The following BBS4 variants were observed in gnomAD, a reference collection of about 807,000 sequenced individuals.
BBS4 encodes the protein BBSome complex member BBS4.
BBS4 carries 58 observed loss-of-function variants against 71.4 expected under a neutral mutation model. That is an observed-to-expected ratio of 0.81 (90% CI 0.66 to 1.01). The LOEUF is 1.01. Ranked by LOEUF, BBS4 falls within the 50% of genes least tolerant of loss-of-function variation. The probability of loss-of-function intolerance (pLI) is 0.00; values close to 1 mark genes in which losing one functional copy is unlikely to be tolerated. For synonymous variants in BBS4, 228 were observed against 216.8 expected, an observed-to-expected ratio of 1.05 and a Z score of -0.46; for missense variants, 660 against 607.9, an observed-to-expected ratio of 1.09 and a Z score of -0.90.
chr15:72,731,007 A>C (rs2065805740), intron 10 of BBS4, among the ~76,000 whole-genome samples: 1 of 151,796 alleles, frequency 6.6e-6, no homozygotes, highest in African/African-American at 2.4e-5. Context: ...TCATTCTGAA[A>C]TACTGACTTT....
intron 1 of BBS4, among the ~76,000 whole-genome samples, chr15:72,688,749 C>T (rs1049747798): frequency 6.6e-6 from 1 of 152,178 alleles, no homozygotes; most frequent in Non-Finnish European, 1.5e-5. Context: ...TACTCCTAGA[C>T]CTGTGTCCCA....
intron 2 of BBS4, among the ~76,000 whole-genome samples, chr15:72,699,436 G>A (rs1243668999): frequency 1.3e-5 from 2 of 152,220 alleles, no homozygotes; most frequent in East Asian, 3.9e-4. Flanking sequence ...TAAATGGAAG[G>A]TAGTATATAT....
chr15:72,706,873 G>A (rs975443397), intron 2 of BBS4, among the ~76,000 whole-genome samples: 23 of 151,582 alleles, frequency 1.5e-4, no homozygotes. Context: ...TGAAATGAGG[G>A]TCCTGCTGTA....
At chr15:72,709,633 T>C in intron 2 of BBS4, 67 bp from the exon 3 acceptor site, 1 of 1,136,422 alleles carries the variant, frequency 8.8e-7, no homozygotes, top group South Asian at 1.2e-5. Flanking sequence ...AGTTTAGACA[T>C]GAGGACAGTG....
At chr15:72,729,255 T>G (rs1227478030) in intron 9 of BBS4, among the ~76,000 whole-genome samples, 5 of 149,380 alleles carry the variant, frequency 3.3e-5, no homozygotes, top group African/African-American at 1.2e-4. Flanking sequence ...CTGTTTTTTT[T>G]TTTTTTTTTT....
At chr15:72,714,965 TG>T (rs1169473742) in intron 4 of BBS4, among the ~76,000 whole-genome samples, 1 of 152,264 alleles carries the variant, frequency 6.6e-6, no homozygotes, top group Non-Finnish European at 1.5e-5. Context: ...AAGCATCTGA[TG>T]GGGAAGCCCC....
chr15:72,723,037 TAAG>T (rs2065605321), intron 7 of BBS4, among the ~76,000 whole-genome samples, 190 bp downstream of exon 7: 1 of 152,154 alleles, frequency 6.6e-6, no homozygotes, highest in Admixed American at 6.5e-5. Context: ...CTGCTTGTAA[TAAG>T]AACATGGAAA....
At chr15:72,709,559 A>G (rs951484487) in intron 2 of BBS4, 141 bp from the exon 3 acceptor site, 37 of 691,408 alleles carry the variant, frequency 5.4e-5, no homozygotes, top group South Asian at 4.3e-4. Context: ...TTGATGCACT[A>G]TAATATATTA....
At chr15:72,731,210 C>T in intron 10 of BBS4, 95 bp from the exon 11 acceptor site, 6 of 1,490,718 alleles carry the variant, frequency 4.0e-6, no homozygotes, top group Non-Finnish European at 5.6e-6. Context: ...CCCATCTATG[C>T]TGATGGGCCT....
chr15:72,703,579 G>A (rs937285131), intron 2 of BBS4, among the ~76,000 whole-genome samples: 1 of 152,026 alleles, frequency 6.6e-6, no homozygotes, highest in Admixed American at 6.6e-5. Flanking sequence ...TTGGATTTTC[G>A]GGTGAAAATT....
At chr15:72,729,511 A>C in intron 9 of BBS4, 105 bp from the exon 10 acceptor site, 5 of 1,049,146 alleles carry the variant, frequency 4.8e-6, no homozygotes, top group Non-Finnish European at 7.5e-6. Flanking sequence ...TAGCCTCCCA[A>C]AGTGCTGGGA....
rs372562631 is a variant in BBS4 at position 72,695,962 on chromosome 15, G to A, written c.76+734G>A. On this transcript the variant is annotated intron_variant, in intron 2 of 15. Coordinates refer to ENST00000268057, the MANE Select transcript of BBS4 (RefSeq NM_033028.5). Reference sequence around the variant, plus strand: ...AATAATGTGTATTCTGCTCTTGTAGGATGTAGCATTCTGTAAATGTCAATT... The same window carrying A: ...AATAATGTGTATTCTGCTCTTGTAGAATGTAGCATTCTGTAAATGTCAATT... Among the ~76,000 whole-genome samples, 7 of 152,278 alleles carry A rather than the reference G, an allele frequency of 4.6e-5. No individual in the cohort carries two copies. The South Asian group carries it at 1.5e-3, about 32-fold the overall frequency.
chr15:72,691,047 CAAGA>C (rs962522345), intron 1 of BBS4, among the ~76,000 whole-genome samples: 31 of 152,126 alleles, frequency 2.0e-4, no homozygotes, highest in Admixed American at 3.3e-4. Context: ...ATTTTTAAAT[CAAGA>C]TCATTAACCA....
chr15:72,735,417 A>G (rs1305639531), intron 13 of BBS4: 12 of 559,124 alleles, frequency 2.1e-5, no homozygotes, highest in South Asian at 3.9e-5. Context: ...GAGGCTAGAG[A>G]ATGTCAGAAC....
intron 1 of BBS4, among the ~76,000 whole-genome samples, chr15:72,691,054 A>T (rs1039644935): frequency 1.3e-5 from 2 of 152,172 alleles, no homozygotes; most frequent in Non-Finnish European, 1.5e-5. Flanking sequence ...AATCAAGATC[A>T]TTAACCAAAT....
intron 2 of BBS4, among the ~76,000 whole-genome samples, chr15:72,706,058 A>T (rs1180230018): frequency 1.3e-5 from 2 of 152,116 alleles, no homozygotes; most frequent in Non-Finnish European, 1.5e-5. Flanking sequence ...CCTTTAGTAG[A>T]TAGGTGACAG....
At chr15:72,701,246 G>T (rs554752309) in intron 2 of BBS4, among the ~76,000 whole-genome samples, 104 of 152,144 alleles carry the variant, frequency 6.8e-4, no homozygotes, top group African/African-American at 2.3e-3. Context: ...ATCTAACTTC[G>T]TTGCTCAGAA....
Position 72,731,682 on chromosome 15 carries a change from T to A in BBS4, c.992T>A (p.Ile331Asn). The A allele has an allele frequency of 1.9e-6, 3 of 1,614,210 alleles. No homozygotes were observed. The highest frequency in any genetic ancestry group is 2.5e-6 in the Non-Finnish European group (3 of 1,180,034). The part of the protein sequence containing the change: ...ASAFHFLSAA[I>N]NFQPKMGELY... ...GCTTTTCATTTTCTCAGTGCGGCCA[T>A]CAACTTCCAGCCAAAGATGGGGGAG... is the stretch of plus-strand genomic sequence containing the variant. The change falls in exon 12 of 16, where the codon ATC (isoleucine) becomes AAC (asparagine). Residue 331 changes from isoleucine to asparagine, a missense_variant. Coordinates refer to ENST00000268057, the MANE Select transcript of BBS4 (RefSeq NM_033028.5).
At chr15:72,726,062 A>G (rs1231643051) in intron 8 of BBS4, among the ~76,000 whole-genome samples, 2 of 109,970 alleles carry the variant, frequency 1.8e-5, no homozygotes, top group Non-Finnish European at 3.6e-5. Context: ...CCTCCCTCCC[A>G]TTCCCATCTT....
Sources: allele counts gnomAD v4.1 joint callset (sites outside exome capture counted in the v4.1 genomes callset), GRCh38; gene constraint gnomAD v4.1.1; transcripts MANE v1.5; gene names NCBI Gene and HGNC (gene_info 2026-07-23, HGNC 2026-07-21).